KCNC2: variants seen among roughly 807,000 people sequenced by gnomAD.
KCNC2 encodes potassium voltage-gated channel subfamily C member 2, also known as voltage-gated potassium channel KCNC2.
Under a neutral mutation model 44.5 loss-of-function variants are expected in KCNC2, and 21 were observed. That is an observed-to-expected ratio of 0.47 (90% CI 0.33 to 0.68). The LOEUF (loss-of-function observed/expected upper bound fraction) is 0.68. KCNC2 is among the 30% of genes least tolerant of loss of function. The pLI is 0.01. For missense variants in KCNC2, 589 were observed against 826.2 expected, an observed-to-expected ratio of 0.71 and a Z score of 3.52; for synonymous variants, 391 against 339.1, an observed-to-expected ratio of 1.15 and a Z score of -1.68.
At chr12:75,192,468 A>G (rs975382004) in intron 2 of KCNC2, among the ~76,000 whole-genome samples, 1 of 152,230 alleles carries the variant, frequency 6.6e-6, no homozygotes, top group Non-Finnish European at 1.5e-5. Context: ...ATGGAGACTC[A>G]GAGACATTTG....
intron 2 of KCNC2, among the ~76,000 whole-genome samples, chr12:75,080,292 ACAT>A (rs59212287): frequency 0.89 from 135,023 of 151,762 alleles, 60,070 homozygotes; most frequent in Admixed American, 0.91. Context: ...TAGCATTTTT[ACAT>A]CAAGTTTGAG....
chr12:75,086,681 AAT>A lies in KCNC2; in HGVS notation c.688-35366_688-35365del, dbSNP rs398044519. 3.5e-3 allele frequency among the ~76,000 whole-genome samples: 188 copies of A among 54,096 alleles called. 6 individuals are homozygous for A. The highest frequency in any genetic ancestry group is 0.01 in the Middle Eastern group (1 of 98). 35.5% of individuals were successfully genotyped at this position (54,096 alleles called of 152,430 possible). ...TTGGCAAAAAAAAAAAAAAAAAAAAAATATATATATATATATATACACACACA... is the reference window on the plus strand; with the variant it reads ...TTGGCAAAAAAAAAAAAAAAAAAAAAATATATATATATATATACACACACA... On this transcript the variant is annotated intron_variant, in intron 2 of 4. Coordinates refer to ENST00000549446, the MANE Select transcript of KCNC2 (RefSeq NM_139137.4).
intron 2 of KCNC2, among the ~76,000 whole-genome samples, chr12:75,122,260 AC>A (rs1226577226): frequency 6.6e-6 from 1 of 152,204 alleles, no homozygotes; most frequent in East Asian, 1.9e-4. Flanking sequence ...GACAGGAGGT[AC>A]CCTCCAAAAT....
intron 2 of KCNC2, among the ~76,000 whole-genome samples, chr12:75,069,748 G>T (rs920319972): frequency 7.2e-5 from 11 of 152,146 alleles, no homozygotes; most frequent in South Asian, 6.2e-4. Context: ...GCAGATCTAA[G>T]CATACAAACT....
intron 2 of KCNC2, among the ~76,000 whole-genome samples, chr12:75,167,271 T>C (rs975580683): frequency 6.6e-6 from 1 of 151,384 alleles, no homozygotes; most frequent in Admixed American, 6.6e-5. Flanking sequence ...TTTTATTTTG[T>C]CATCTTGGTT....
At chr12:75,204,434 C>T (rs950882711) in intron 2 of KCNC2, among the ~76,000 whole-genome samples, 1 of 151,882 alleles carries the variant, frequency 6.6e-6, no homozygotes, top group Non-Finnish European at 1.5e-5. Flanking sequence ...ATAACTGATC[C>T]AATCCTTTCA....
intron 2 of KCNC2, among the ~76,000 whole-genome samples, chr12:75,072,896 G>T (rs773873779): frequency 2.0e-5 from 3 of 152,110 alleles, no homozygotes; most frequent in Non-Finnish European, 4.4e-5. Flanking sequence ...ACTATTATGG[G>T]ATTTAGGCTC....
intron 2 of KCNC2, among the ~76,000 whole-genome samples, chr12:75,201,340 T>A (rs1272490263): frequency 1.5e-5 from 2 of 130,582 alleles, no homozygotes; most frequent in African/African-American, 5.8e-5. Context: ...GTCCTTGGAG[T>A]GCAATCTGAA....
chr12:75,070,633 T>A (rs887340607), intron 2 of KCNC2, among the ~76,000 whole-genome samples: 35 of 151,872 alleles, frequency 2.3e-4, no homozygotes, highest in African/African-American at 6.3e-4. Flanking sequence ...TTTAAAAAAA[T>A]ATATATATAC....
At chr12:75,077,557 G>A (rs1484526704) in intron 2 of KCNC2, among the ~76,000 whole-genome samples, 1 of 152,012 alleles carries the variant, frequency 6.6e-6, no homozygotes, top group African/African-American at 2.4e-5. Context: ...TATTTATTTG[G>A]TCCAGGATAA....
At chr12:75,137,505 A>T (rs921750606) in intron 2 of KCNC2, among the ~76,000 whole-genome samples, 11 of 152,202 alleles carry the variant, frequency 7.2e-5, no homozygotes, top group African/African-American at 2.7e-4. Flanking sequence ...AAGATTTTTT[A>T]AAAAACAAAA....
At chr12:75,064,405 A>G (rs1290783829) in intron 2 of KCNC2, among the ~76,000 whole-genome samples, 2 of 152,024 alleles carry the variant, frequency 1.3e-5, no homozygotes, top group African/African-American at 4.8e-5. Flanking sequence ...GTTTTAATAC[A>G]GTGTTCTAAT....
chr12:75,196,384 A>G (rs1247715540), intron 2 of KCNC2, among the ~76,000 whole-genome samples: 1 of 152,128 alleles, frequency 6.6e-6, no homozygotes, highest in East Asian at 1.9e-4. Context: ...CTTCATGAAC[A>G]TTCTAAACAC....
In KCNC2 at chr12:75,207,993, T is replaced by A; in HGVS notation, c.-10A>T. The A allele has an allele frequency of 1.2e-6, 2 of 1,611,782 alleles. No individual in the cohort carries two copies. Among genetic ancestry groups the A allele is most frequent in the Non-Finnish European group, 8.5e-7 (1 of 1,179,614 alleles). On this transcript the variant is annotated 5_prime_UTR_variant, in exon 2 of 5. Coordinates refer to ENST00000549446, the MANE Select transcript of KCNC2 (RefSeq NM_139137.4). The surrounding 1 kb of genome is among the most constrained non-coding windows in gnomAD (Gnocchi z 4.1). ...TCTCGATCTTGCCCATCTCTGTGAC[T>A]CAGACATGACTAGGGGGAGGCAAAC...
chr12:75,192,924 CAA>C (rs900544630), intron 2 of KCNC2, among the ~76,000 whole-genome samples: 22 of 152,024 alleles, frequency 1.4e-4, no homozygotes, highest in African/African-American at 4.8e-4. Context: ...ATTTTCACCA[CAA>C]AAAAAGTATG....
chr12:75,079,970 T>C (rs1288743551), intron 2 of KCNC2, among the ~76,000 whole-genome samples: 1 of 152,162 alleles, frequency 6.6e-6, no homozygotes, highest in African/African-American at 2.4e-5. Context: ...TAAAAAGGAA[T>C]ACCTTCGATG....
chr12:75,207,454 C>A lies in KCNC2; in HGVS notation c.530G>T (p.Gly177Val). 1 of 1,611,274 alleles carries A rather than the reference C, an allele frequency of 6.2e-7. No homozygotes were observed. The highest frequency in any genetic ancestry group is 8.5e-7 in the Non-Finnish European group (1 of 1,179,090). ...CAGGTCCTCGTCGTCGCCGGGGTCG[C>A]CGCCAATGAGGTCGGGGGTCTCGAA... ...DIFETPDLIGGDPGDDEDLAA... is the reference protein window; with the variant it reads ...DIFETPDLIGVDPGDDEDLAA... Residue 177 changes from glycine to valine, a missense_variant, in exon 2 of 5, where the codon GGC becomes GTC. This residue lies in a region of KCNC2 where 97 missense variants were observed against 73.3 expected (regional missense o/e 1.32). Coordinates refer to ENST00000549446, the MANE Select transcript of KCNC2 (RefSeq NM_139137.4). This position sits in a 1 kb window ranked among gnomAD's most constrained non-coding sequence, Gnocchi z 4.1.
intron 2 of KCNC2, among the ~76,000 whole-genome samples, chr12:75,081,695 A>G (rs1402614025): frequency 3.9e-5 from 6 of 152,080 alleles, no homozygotes; most frequent in Non-Finnish European, 7.4e-5. Flanking sequence ...CTTATGTAAT[A>G]ATTTGAAAAT....
Position 75,207,759 on chromosome 12 carries a change from G to T in KCNC2, c.225C>A (p.Gly75=), listed in dbSNP as rs750939509. The change falls in exon 2 of 5, where the codon GGC becomes GGA. Residue 75 remains glycine, a synonymous_variant. Coordinates refer to ENST00000549446, the MANE Select transcript of KCNC2 (RefSeq NM_139137.4). The surrounding 1 kb of genome is among the most constrained non-coding windows in gnomAD (Gnocchi z 4.1). The part of the protein sequence containing the change: ...PRAPPLSPGP[G]GCFEGGAGNC... ...TGCCCGCGCCGCCCTCGAAGCAGCC[G>T]CCTGGCCCGGGGGACAGCGGGGGCG... 22 of 1,569,722 alleles carry T rather than the reference G, an allele frequency of 1.4e-5. No homozygotes were observed. The highest frequency in any genetic ancestry group is 1.7e-5 in the Non-Finnish European group (20 of 1,158,100).
Sources: allele counts gnomAD v4.1 joint callset (sites outside exome capture counted in the v4.1 genomes callset), GRCh38; gene constraint gnomAD v4.1.1; regional missense constraint gnomAD v4.1.1; non-coding constraint Gnocchi (gnomAD v3.1); transcripts MANE v1.5; gene names NCBI Gene and HGNC (gene_info 2026-07-23, HGNC 2026-07-21).